The following MSI2 variants were observed in gnomAD, a reference collection of about 807,000 sequenced individuals.
The protein encoded by MSI2 is musashi RNA binding protein 2, also known as RNA-binding protein Musashi homolog 2.
Under a neutral mutation model 45.6 loss-of-function variants are expected in MSI2, and 17 were observed. The ratio of observed to expected loss-of-function variants is 0.37; its 90% confidence interval spans 0.26 to 0.56. MSI2 has a LOEUF of 0.56. Among genes scored for constraint, MSI2 ranks in the 20% least tolerant of loss-of-function variants. The pLI is 0.77. For missense variants in MSI2, 293 were observed against 444.2 expected (o/e 0.66, Z 3.06); for synonymous variants, 156 against 158.2 (o/e 0.99, Z 0.11).
At chr17:57,345,733 C>T (rs1264799626) in intron 5 of MSI2, among the ~76,000 whole-genome samples, 2 of 151,262 alleles carry the variant, frequency 1.3e-5, no homozygotes, top group Admixed American at 6.6e-5. Flanking sequence ...GCAGGAGAAT[C>T]GCTTCAACTC....
intron 5 of MSI2, among the ~76,000 whole-genome samples, chr17:57,309,732 G>T (rs1261615350): frequency 1.3e-5 from 2 of 152,162 alleles, no homozygotes; most frequent in African/African-American, 4.8e-5. Context: ...GCTCAGGAAG[G>T]AGTCGTTGGG....
chr17:57,450,273 A>AAGAGAGAAAGAGAGAAAGAG (rs1567830663), intron 6 of MSI2: 41 of 109,478 alleles, frequency 3.7e-4, no homozygotes, highest in African/African-American at 1.5e-3. Context: ...GAAAGAAAGA[A>AAGAGAGAAAGAGAGAAAGAG]AGAAAGAAAG....
intron 11 of MSI2, among the ~76,000 whole-genome samples, chr17:57,667,113 G>A (rs1912425668): frequency 6.6e-6 from 1 of 152,164 alleles, no homozygotes; most frequent in Non-Finnish European, 1.5e-5. Context: ...AGTGGTGATG[G>A]TGGCATCTCG....
At chr17:57,351,227 G>A (rs1049141937) in intron 5 of MSI2, among the ~76,000 whole-genome samples, 1 of 152,090 alleles carries the variant, frequency 6.6e-6, no homozygotes, top group African/African-American at 2.4e-5. Flanking sequence ...GCAGATGATG[G>A]TTCTGGAGGG....
intron 10 of MSI2, among the ~76,000 whole-genome samples, chr17:57,638,248 A>C (rs774464594): frequency 6.6e-6 from 1 of 152,152 alleles, no homozygotes; most frequent in Non-Finnish European, 1.5e-5. Flanking sequence ...AGCCCAGGTC[A>C]GCTTGAATCC....
At chr17:57,325,490 C>T (rs2054937988) in intron 5 of MSI2, among the ~76,000 whole-genome samples, 1 of 152,210 alleles carries the variant, frequency 6.6e-6, no homozygotes, top group Non-Finnish European at 1.5e-5. Context: ...AAAGTGGAGT[C>T]TAAAAAAGGG....
chr17:57,576,624 C>T (rs770748947), intron 7 of MSI2, among the ~76,000 whole-genome samples: 45 of 151,982 alleles, frequency 3.0e-4, no homozygotes, highest in Non-Finnish European at 5.4e-4. Context: ...CACGGTGGTG[C>T]ATGCCTGTAA....
At chr17:57,345,946 G>T (rs1441280757) in intron 5 of MSI2, among the ~76,000 whole-genome samples, 1 of 151,622 alleles carries the variant, frequency 6.6e-6, no homozygotes. Context: ...GGCTCCTCTT[G>T]CTTGTAACAG....
rs1318593875 is a variant in MSI2 at position 57,434,487 on chromosome 17, G to T, written c.405+33016G>T. On this transcript the variant is annotated intron_variant, in intron 6 of 13. Coordinates refer to ENST00000284073, the MANE Select transcript of MSI2 (RefSeq NM_138962.4). ...TAGATCACTGGAACTTACTACTCCT[G>T]TCTAACTGAAACTTTGTCCAGCATC... Among the ~76,000 whole-genome samples the T allele has an allele frequency of 3.3e-5, 5 of 152,272 alleles. No homozygotes were observed. The East Asian group carries it at 7.7e-4, about 23-fold the overall frequency.
In MSI2 at chr17:57,607,905, T is replaced by G. The variant is rs537745642; in HGVS notation, c.538-8065T>G. On this transcript the variant is annotated intron_variant, in intron 8 of 13. Transcript: ENST00000284073. Reference sequence around the variant, plus strand: ...TTTTTAAGCAACTCCGAGTAAGAGCTCACTCATCACCAAGCAGGTGGCCCA... The same window carrying G: ...TTTTTAAGCAACTCCGAGTAAGAGCGCACTCATCACCAAGCAGGTGGCCCA... 9.9e-5 allele frequency among the ~76,000 whole-genome samples: 15 copies of G among 152,138 alleles called. No individual in the cohort carries two copies. The South Asian group carries it at 1.7e-3, about 17-fold the overall frequency.
rs904656072 is a variant in MSI2 at position 57,407,931 on chromosome 17, G to T, written c.405+6460G>T. Among the ~76,000 whole-genome samples, 2 of 152,230 alleles carry T rather than the reference G, an allele frequency of 1.3e-5. No homozygotes were observed. The highest frequency in any genetic ancestry group is 2.9e-5 in the Non-Finnish European group (2 of 68,046). Reference sequence around the variant, plus strand: ...CCCTGACCCCTGGCCAAGCTGCTCAGTGGGAAACAGCACAGCGAGTAGACA... The same window carrying T: ...CCCTGACCCCTGGCCAAGCTGCTCATTGGGAAACAGCACAGCGAGTAGACA... On this transcript the variant is annotated intron_variant, in intron 6 of 13. Transcript: ENST00000284073. The surrounding 1 kb of genome is among the most constrained non-coding windows in gnomAD (Gnocchi z 4.1).
At chr17:57,688,117 C>T (rs1194809964), downstream of MSI2, among the ~76,000 whole-genome samples, 1 of 152,054 alleles carries the variant, frequency 6.6e-6, no homozygotes, top group Non-Finnish European at 1.5e-5. Context: ...AAACACAAAA[C>T]CTGTTTCAAT....
At chr17:57,532,236 G>C (rs2086836295) in intron 7 of MSI2, 1 of 152,286 alleles carries the variant, frequency 6.6e-6, no homozygotes, top group African/African-American at 2.4e-5. Context: ...CTAGAGGAAA[G>C]GCAGGGCCTC....
At chr17:57,434,043 A>C (rs2084647833) in intron 6 of MSI2, among the ~76,000 whole-genome samples, 1 of 152,206 alleles carries the variant, frequency 6.6e-6, no homozygotes, top group Admixed American at 6.5e-5. Flanking sequence ...AAGGCACGTG[A>C]GTTAATACAT....
intron 5 of MSI2, among the ~76,000 whole-genome samples, chr17:57,325,364 T>G (rs1362127354): frequency 6.6e-6 from 1 of 152,242 alleles, no homozygotes; most frequent in Non-Finnish European, 1.5e-5. Context: ...TATATGCTAT[T>G]CAGCTAACAG....
chr17:57,544,197 A>G (rs2087114227), intron 7 of MSI2, among the ~76,000 whole-genome samples: 1 of 152,216 alleles, frequency 6.6e-6, no homozygotes, highest in Admixed American at 6.5e-5. Context: ...TTCAGAAAGT[A>G]AACTGGAATC....
intron 5 of MSI2, among the ~76,000 whole-genome samples, chr17:57,373,322 A>G (rs2143973747): frequency 6.6e-6 from 1 of 152,286 alleles, no homozygotes; most frequent in Non-Finnish European, 1.5e-5. Context: ...GAGGCCCAAC[A>G]AACATTAGTA....
chr17:57,669,786 T>C (rs1912646037), intron 11 of MSI2, among the ~76,000 whole-genome samples: 1 of 152,170 alleles, frequency 6.6e-6, no homozygotes, highest in African/African-American at 2.4e-5. Context: ...CCCTTCTGAA[T>C]TGGACTTGGC....
chr17:57,297,022 G>A (rs993531006), intron 5 of MSI2, among the ~76,000 whole-genome samples: 5 of 151,926 alleles, frequency 3.3e-5, no homozygotes, highest in Admixed American at 6.6e-5. Flanking sequence ...CTACAGGCCC[G>A]CGCCACCACA....
Sources: gnomAD v4.1 joint callset for allele counts (sites outside exome capture counted in the v4.1 genomes callset) on GRCh38, gnomAD v4.1.1 for gene constraint, Gnocchi (gnomAD v3.1) non-coding constraint, MANE v1.5 for transcripts, NCBI Gene and HGNC (gene_info 2026-07-23, HGNC 2026-07-21) for gene names.